HIVEP3: variants seen among roughly 807,000 people sequenced by gnomAD.
The protein encoded by HIVEP3 is transcription factor HIVEP3.
A neutral mutation model predicts 152.8 loss-of-function variants in HIVEP3; 49 were observed. That is an observed-to-expected ratio of 0.32 (90% confidence interval 0.26 to 0.41). The LOEUF is 0.41. Ranked by LOEUF, HIVEP3 falls within the 10% of genes least tolerant of loss-of-function variation. The pLI, the probability that HIVEP3 is intolerant of heterozygous loss-of-function variation, is 1.00. For synonymous variants in HIVEP3, 1,269 were observed against 1,289.0 expected (o/e 0.98, Z 0.33); for missense variants, 2,790 against 3,103.3 (o/e 0.90, Z 2.40).
At chr1:41,917,982 G>T (rs919440026) in intron 1 of HIVEP3, among the ~76,000 whole-genome samples, 3 of 152,212 alleles carry the variant, frequency 2.0e-5, no homozygotes, top group Non-Finnish European at 1.5e-5. Context: ...CCGGTGCCAC[G>T]GAACGCGATG....
Position 41,624,775 on chromosome 1 carries a change from C to A in HIVEP3, c.-522+3974G>T, listed in dbSNP as rs1371818298. On this transcript the variant is annotated intron_variant, in intron 3 of 8. Transcript: ENST00000372583. ...ACCAGAATTCCCTTCTACTCCTCCC[C>A]AAATGCCCAGATAATGTTGAACTGA... is the stretch of plus-strand genomic sequence containing the variant. Among the ~76,000 whole-genome samples the A allele has an allele frequency of 3.5e-4, 53 of 152,190 alleles. 1 individual carries two copies. The highest frequency in any genetic ancestry group is 3.5e-3 in the Admixed American group (53 of 15,280).
intron 1 of HIVEP3, among the ~76,000 whole-genome samples, chr1:41,777,097 G>C (rs996426739): frequency 7.2e-5 from 11 of 152,214 alleles, no homozygotes; most frequent in African/African-American, 2.7e-4. Context: ...AGAGGTCCTG[G>C]CTTCAGCTGG....
At chr1:41,994,344 C>G (rs2124519499) in intron 1 of HIVEP3, among the ~76,000 whole-genome samples, 1 of 151,680 alleles carries the variant, frequency 6.6e-6, no homozygotes, top group Admixed American at 6.6e-5. Flanking sequence ...AACAGATAAG[C>G]CAATGCTAGC....
At chr1:41,884,698 A>C (rs1644316053) in intron 1 of HIVEP3, among the ~76,000 whole-genome samples, 1 of 152,192 alleles carries the variant, frequency 6.6e-6, no homozygotes, top group Non-Finnish European at 1.5e-5. Context: ...GAGCTGAGAG[A>C]GATTTAGCTT....
intron 1 of HIVEP3, among the ~76,000 whole-genome samples, chr1:41,816,303 C>A (rs1327505405): frequency 6.6e-6 from 1 of 152,160 alleles, no homozygotes; most frequent in East Asian, 1.9e-4. Context: ...ATGGAGTAGG[C>A]CATTCAAACC....
intron 1 of HIVEP3, among the ~76,000 whole-genome samples, chr1:41,989,210 T>G (rs1270667038): frequency 1.3e-5 from 2 of 152,206 alleles, no homozygotes; most frequent in African/African-American, 2.4e-5. Flanking sequence ...AGAGTAGATG[T>G]TAAATGCTCT....
chr1:41,518,621 C>T (rs1185122286), intron 6 of HIVEP3, 133 bp from the exon 7 acceptor site: 4 of 815,906 alleles, frequency 4.9e-6, no homozygotes, highest in Middle Eastern at 3.4e-4. Context: ...AGCTGCAGGG[C>T]TGGGCAGGAG....
chr1:41,534,583 G>A (rs1378764561), intron 5 of HIVEP3, among the ~76,000 whole-genome samples: 2 of 152,186 alleles, frequency 1.3e-5, no homozygotes, highest in East Asian at 1.9e-4. Flanking sequence ...CTTTTCACAA[G>A]CACAGCCCCC....
chr1:41,562,265 T>G (rs1225179854), intron 5 of HIVEP3, among the ~76,000 whole-genome samples: 1 of 152,176 alleles, frequency 6.6e-6, no homozygotes, highest in East Asian at 1.9e-4. Context: ...CCAAAGACTT[T>G]CTACAACACT....
chr1:41,670,211 A>G (rs1645853760), intron 2 of HIVEP3, among the ~76,000 whole-genome samples: 1 of 152,106 alleles, frequency 6.6e-6, no homozygotes, highest in Non-Finnish European at 1.5e-5. Context: ...AATCACACCC[A>G]TGTCCTCATG....
At chr1:41,703,031 T>C (rs1646385713) in intron 1 of HIVEP3, among the ~76,000 whole-genome samples, 1 of 152,242 alleles carries the variant, frequency 6.6e-6, no homozygotes, top group Non-Finnish European at 1.5e-5. Context: ...GAAATCTCGT[T>C]TCCATCTGCT....
chr1:41,757,910 C>T (rs372089556), intron 1 of HIVEP3, among the ~76,000 whole-genome samples: 1 of 152,194 alleles, frequency 6.6e-6, no homozygotes, highest in East Asian at 1.9e-4. Context: ...CAGGGTTTCT[C>T]CACATTTGTC....
chr1:41,845,516 C>T (rs1213811230), intron 1 of HIVEP3, among the ~76,000 whole-genome samples: 1 of 151,670 alleles, frequency 6.6e-6, no homozygotes, highest in African/African-American at 2.4e-5. Flanking sequence ...CCACTAGGAA[C>T]AACAGGGATA....
At chr1:41,545,029 CCACCACCAA>C (rs1643698744) in intron 5 of HIVEP3, among the ~76,000 whole-genome samples, 1 of 116,214 alleles carries the variant, frequency 8.6e-6, no homozygotes, top group African/African-American at 3.1e-5. Flanking sequence ...ACCACCACCA[CCACCACCAA>C]TACCACTACC....
chr1:41,634,741 C>G (rs1166799180), intron 2 of HIVEP3, among the ~76,000 whole-genome samples: 2 of 152,106 alleles, frequency 1.3e-5, no homozygotes, highest in African/African-American at 4.8e-5. Flanking sequence ...ATTAAATACA[C>G]TAAACTGGGG....
intron 1 of HIVEP3, among the ~76,000 whole-genome samples, chr1:41,720,525 G>A (rs541927158): frequency 2.0e-5 from 3 of 152,200 alleles, no homozygotes; most frequent in African/African-American, 4.8e-5. Flanking sequence ...GGAGCTACAG[G>A]TGAGACCAGA....
intron 3 of HIVEP3, among the ~76,000 whole-genome samples, chr1:41,588,957 G>A (rs1644545566): frequency 6.6e-6 from 1 of 152,170 alleles, no homozygotes. Context: ...GGAACCTGCA[G>A]GACCTAAGGA....
intron 1 of HIVEP3, among the ~76,000 whole-genome samples, chr1:41,964,329 C>T (rs533306220): frequency 6.6e-6 from 1 of 152,132 alleles, no homozygotes; most frequent in South Asian, 2.1e-4. Context: ...GAGCTCCCAG[C>T]CCCAGCCAAG....
chr1:41,510,697 C>T lies in HIVEP3; in HGVS notation c.6975G>A (p.Ala2325=), dbSNP rs774225944. 34 of 1,522,284 alleles carry T rather than the reference C, an allele frequency of 2.2e-5. No individual in the cohort carries two copies. Among genetic ancestry groups the T allele is most frequent in the Admixed American group, 6.0e-5 (3 of 49,658 alleles). The allele number at this position is 1,522,284 out of a possible 1,614,324, so 94.3% of individuals were successfully genotyped here. A position where few individuals can be genotyped will look rare whatever the true frequency, so the allele number is the denominator to read the frequency against. The part of the protein sequence containing the change: ...LPRPPQGRRA[A]QSWSPRLESP... ...ACTCCAAGCGGGGGCTCCAGGACTG[C>T]GCTGCCCGGCGTCCCTGGGGCGGCC... is the stretch of plus-strand genomic sequence containing the variant. Residue 2325 remains alanine, a synonymous_variant, in exon 9 of 9, where the codon GCG becomes GCA. Coordinates refer to ENST00000372583, the MANE Select transcript of HIVEP3 (RefSeq NM_024503.5).
Sources: gnomAD v4.1 joint callset for allele counts (sites outside exome capture counted in the v4.1 genomes callset) on GRCh38, gnomAD v4.1.1 for gene constraint, MANE v1.5 for transcripts, NCBI Gene and HGNC (gene_info 2026-07-23, HGNC 2026-07-21) for gene names.